Variants in HDX observed in about 807,000 individuals in gnomAD.
HDX encodes highly divergent homeobox.
HDX carries 19 observed loss-of-function variants against 45.2 expected under a neutral mutation model. The observed-to-expected ratio is 0.42, with a 90% confidence interval of 0.29 to 0.62. The LOEUF is 0.62. HDX is among the 20% of genes least tolerant of loss of function. The pLI, the probability that HDX is intolerant of heterozygous loss-of-function variation, is 0.20. For missense variants in HDX, 532 were observed against 493.9 expected (o/e 1.08, Z -0.73); for synonymous variants, 188 against 172.8 (o/e 1.09, Z -0.69).
chrX:84,418,451 G>A (rs1199374581), intron 5 of HDX, among the ~76,000 whole-genome samples: 1 of 111,264 alleles, frequency 9.0e-6, no homozygotes, highest in Non-Finnish European at 1.9e-5. Flanking sequence ...ATGTATTAGG[G>A]GGGTACAAAA....
At chrX:84,454,428 G>A (rs1602487657) in intron 4 of HDX, among the ~76,000 whole-genome samples, 1 of 111,656 alleles carries the variant, frequency 9.0e-6, no homozygotes, top group East Asian at 2.8e-4. Context: ...AACACTGGTA[G>A]TAGCCAGGCA....
chrX:84,474,059 G>A (rs1055056006), intron 3 of HDX, among the ~76,000 whole-genome samples: 2 of 112,062 alleles, frequency 1.8e-5, no homozygotes, highest in African/African-American at 6.5e-5. Flanking sequence ...GGGAGGTCGA[G>A]GCGGGCAGAT....
At chrX:84,393,754 T>C (rs2147937340) in intron 5 of HDX, among the ~76,000 whole-genome samples, 1 of 110,840 alleles carries the variant, frequency 9.0e-6, no homozygotes, top group South Asian at 3.8e-4. Context: ...TGCTAAGTTG[T>C]ATGTGTCCAG....
At position 84,321,534 on chromosome X, in the gene HDX, G is replaced by A; in HGVS notation, c.*355C>T. Reference sequence around the variant, plus strand: ...GAAGATGTAATGGCTACAAAAACAAGACTAATCAAGCTGTAGCAACTTGAT... The same window carrying A: ...GAAGATGTAATGGCTACAAAAACAAAACTAATCAAGCTGTAGCAACTTGAT... On this transcript the variant is annotated 3_prime_UTR_variant, in exon 11 of 11. Transcript: ENST00000373177. 8.5e-6 allele frequency: 1 copy of A among 117,250 alleles called. No individual in the cohort carries two copies. The highest frequency in any genetic ancestry group is 2.6e-4 in the East Asian group (1 of 3,875). 9.7% of individuals were successfully genotyped at this position (117,250 alleles called of 1,213,427 possible).
chrX:84,337,199 T>A (rs922621496), intron 7 of HDX, among the ~76,000 whole-genome samples: 15 of 110,745 alleles, frequency 1.4e-4, no homozygotes, highest in Admixed American at 9.7e-4. Context: ...AAAATTGAAA[T>A]AGAAGAACAG....
intron 5 of HDX, among the ~76,000 whole-genome samples, chrX:84,434,956 G>A (rs916951259): frequency 2.7e-5 from 3 of 110,395 alleles, no homozygotes; most frequent in Non-Finnish European, 5.7e-5. Flanking sequence ...TTTTAGGCAT[G>A]TTGCTGTTCA....
chrX:84,359,075 G>T, intron 6 of HDX, among the ~76,000 whole-genome samples: 1 of 110,742 alleles, frequency 9.0e-6, no homozygotes, highest in Non-Finnish European at 1.9e-5. Flanking sequence ...TTTCCTTAAA[G>T]AATTGATTGC....
intron 5 of HDX, among the ~76,000 whole-genome samples, chrX:84,388,303 G>A (rs748829643): frequency 2.4e-4 from 27 of 110,312 alleles, no homozygotes; most frequent in African/African-American, 8.6e-4. Flanking sequence ...ATCTTTTATA[G>A]TATCTAGACA....
At chrX:84,457,882 C>G (rs1023082752) in intron 4 of HDX, among the ~76,000 whole-genome samples, 2 of 111,608 alleles carry the variant, frequency 1.8e-5, no homozygotes, top group African/African-American at 6.5e-5. Context: ...GTTTCTTGAT[C>G]ATAAGAAAAA....
chrX:84,482,081 T>C lies in HDX; in HGVS notation c.-1+5943A>G, dbSNP rs781563092. On this transcript the variant is annotated intron_variant, in intron 2 of 10. Transcript: ENST00000373177. ...TTTATGGCTATGGAGTATTTCATGT[T>C]GTATATGTACCACATTTTCTTTGTC... 2.7e-5 allele frequency among the ~76,000 whole-genome samples: 3 copies of C among 112,274 alleles called. No individual in the cohort carries two copies. In the South Asian group the frequency reaches 1.1e-3, roughly 41 times the overall value.
At chrX:84,472,947 T>C (rs1168220365) in intron 3 of HDX, among the ~76,000 whole-genome samples, 1 of 109,161 alleles carries the variant, frequency 9.2e-6, no homozygotes, top group Admixed American at 9.8e-5. Context: ...CTCATTTACG[T>C]TACATCTTAT....
chrX:84,501,214 C>A (rs762178724), intron 1 of HDX, among the ~76,000 whole-genome samples: 4 of 111,789 alleles, frequency 3.6e-5, no homozygotes, highest in South Asian at 3.8e-4. Context: ...TTCCCCACAA[C>A]TGCTGAGTAA....
rs1416767468 is a variant in HDX at position 84,443,516 on chromosome X, C to G, written c.1252-2931G>C. Reference sequence around the variant, plus strand: ...TAGAAAATTTGGAGTGTTATAAACTCATTACAATGATGTTGACATTATTCA... The same window carrying G: ...TAGAAAATTTGGAGTGTTATAAACTGATTACAATGATGTTGACATTATTCA... On this transcript the variant is annotated intron_variant, in intron 4 of 10. Coordinates refer to ENST00000373177, the MANE Select transcript of HDX (RefSeq NM_001177479.2). 5.4e-5 allele frequency among the ~76,000 whole-genome samples: 6 copies of G among 111,552 alleles called. No individual in the cohort carries two copies. The Admixed American group carries it at 5.7e-4, about 11-fold the overall frequency.
intron 5 of HDX, among the ~76,000 whole-genome samples, chrX:84,368,743 A>C (rs1168195201): frequency 9.0e-6 from 1 of 111,676 alleles, no homozygotes; most frequent in African/African-American, 3.3e-5. Flanking sequence ...AGCAGTCCCC[A>C]ACATTTTTGG....
chrX:84,393,187 C>A (rs1362896780), intron 5 of HDX, among the ~76,000 whole-genome samples: 2 of 111,303 alleles, frequency 1.8e-5, no homozygotes. Context: ...TGTTGAGGTG[C>A]GTTCTTTCTG....
chrX:84,498,418 A>G (rs2041052344), intron 1 of HDX, among the ~76,000 whole-genome samples: 1 of 111,648 alleles, frequency 9.0e-6, no homozygotes, highest in East Asian at 2.8e-4. Context: ...CTCCCTTCTT[A>G]TGCATAATAT....
rs1217309054 is a variant in HDX at position 84,320,489 on chromosome X, T to C, written c.*1400A>G. The C allele has an allele frequency of 1.8e-5, 2 of 110,960 alleles. No individual in the cohort carries two copies. Among genetic ancestry groups the C allele is most frequent in the Non-Finnish European group, 3.8e-5 (2 of 52,450 alleles). 9.1% of individuals were successfully genotyped at this position (110,960 alleles called of 1,213,427 possible). A position where few individuals can be genotyped will look rare whatever the true frequency, so the allele number is the denominator to read the frequency against. ...TACTAGTAAATTTCAAGATCAAATTTGGCTCTAATTACAAATTTTTAAAAA... is the reference window on the plus strand; with the variant it reads ...TACTAGTAAATTTCAAGATCAAATTCGGCTCTAATTACAAATTTTTAAAAA... On this transcript the variant is annotated 3_prime_UTR_variant, in exon 11 of 11. Transcript: ENST00000373177.
At chrX:84,353,669 T>C (rs1379298407) in intron 6 of HDX, among the ~76,000 whole-genome samples, 1 of 111,625 alleles carries the variant, frequency 9.0e-6, no homozygotes, top group Non-Finnish European at 1.9e-5. Flanking sequence ...CAAAACATTA[T>C]TTCTAGGTGT....
chrX:84,468,904 G>A lies in HDX; in HGVS notation c.819C>T (p.Tyr273=), dbSNP rs35928187. Residue 273 remains tyrosine, a synonymous_variant, in exon 4 of 11, where the codon TAC becomes TAT. Transcript: ENST00000373177. ...CATTTCCTCCCAGAATTCTCTGGGG[G>A]TAATCGCTAACTGCCAATGAAAACA... The part of the protein sequence containing the change: ...REVFSLAVSD[Y]PQRILGGNAP... The A allele has an allele frequency of 3.6e-3, 4,367 of 1,209,136 alleles. 85 individuals carry two copies. In the African/African-American group the frequency reaches 0.067, roughly 19 times the overall value.
Sources: allele counts gnomAD v4.1 joint callset (sites outside exome capture counted in the v4.1 genomes callset), GRCh38; gene constraint gnomAD v4.1.1; transcripts MANE v1.5; gene names NCBI Gene and HGNC (gene_info 2026-07-23, HGNC 2026-07-21).